The following HS3ST5 variants were observed in gnomAD, a reference collection of about 807,000 sequenced individuals.
The protein encoded by HS3ST5 is heparan sulfate glucosamine 3-O-sulfotransferase 5.
HS3ST5 carries 10 observed loss-of-function variants against 25.4 expected under a neutral mutation model. The observed-to-expected ratio is 0.39, with a 90% CI of 0.24 to 0.67. The LOEUF (loss-of-function observed/expected upper bound fraction) is 0.67, where lower values mean the gene tolerates loss of function less well. Among genes scored for constraint, HS3ST5 ranks in the 30% least tolerant of loss-of-function variants. The pLI is 0.44. For missense variants in HS3ST5, 324 were observed against 420.7 expected, an observed-to-expected ratio of 0.77 and a Z score of 2.01; for synonymous variants, 170 against 162.4, an observed-to-expected ratio of 1.05 and a Z score of -0.36.
Position 114,058,209 on chromosome 6 carries a change from C to A in HS3ST5, c.108-19G>T. ...TTGTAGCCTGCAAGCAAGACAGAGA[C>A]ACTTTAAGCTCATTGCAACTAACTT... On this transcript the variant is annotated intron_variant, in intron 4 of 4. Coordinates refer to ENST00000312719, the MANE Select transcript of HS3ST5 (RefSeq NM_153612.4). 1 of 1,564,962 alleles carries A rather than the reference C, an allele frequency of 6.4e-7. No individual in the cohort carries two copies.
intron 2 of HS3ST5, among the ~76,000 whole-genome samples, chr6:114,168,927 G>A (rs2139414): frequency 0.54 from 82,438 of 151,874 alleles, 22,803 homozygotes; most frequent in African/African-American, 0.63. Context: ...CTATTTGGAT[G>A]TATTATGCAG....
At chr6:114,157,280 C>T (rs1468966715) in intron 3 of HS3ST5, among the ~76,000 whole-genome samples, 2 of 152,202 alleles carry the variant, frequency 1.3e-5, no homozygotes, top group Non-Finnish European at 2.9e-5. Context: ...GCCCCAGCCT[C>T]TTAACTGGTC....
At chr6:114,074,059 C>T (rs1218343742) in intron 3 of HS3ST5, among the ~76,000 whole-genome samples, 1 of 152,034 alleles carries the variant, frequency 6.6e-6, no homozygotes, top group Non-Finnish European at 1.5e-5. Flanking sequence ...AGAACCAACA[C>T]CGCATGTTCT....
chr6:114,296,358 G>C (rs77879100), intron 1 of HS3ST5, among the ~76,000 whole-genome samples: 2,814 of 152,098 alleles, frequency 0.019, 99 homozygotes, highest in African/African-American at 0.064. Flanking sequence ...AAAAAATCCT[G>C]GGGTATAACT....
chr6:114,277,351 T>C (rs1773905225), intron 1 of HS3ST5, among the ~76,000 whole-genome samples: 2 of 150,764 alleles, frequency 1.3e-5, no homozygotes, highest in African/African-American at 4.9e-5. Flanking sequence ...AAGGAAAAAA[T>C]AAATTATATT....
intron 1 of HS3ST5, among the ~76,000 whole-genome samples, chr6:114,256,224 T>C (rs1292708292): frequency 1.3e-5 from 2 of 151,916 alleles, no homozygotes; most frequent in East Asian, 3.9e-4. Context: ...TCGTCTCTAC[T>C]AAAAACACAA....
chr6:114,162,403 C>A (rs62415769), intron 3 of HS3ST5, among the ~76,000 whole-genome samples: 1 of 152,092 alleles, frequency 6.6e-6, no homozygotes, highest in Non-Finnish European at 1.5e-5. Flanking sequence ...AATTTCTTTC[C>A]TTCTGTTCCT....
chr6:114,179,922 G>A (rs1484631228), intron 2 of HS3ST5, among the ~76,000 whole-genome samples: 2 of 152,086 alleles, frequency 1.3e-5, no homozygotes, highest in African/African-American at 4.8e-5. Flanking sequence ...TGAAGAACGT[G>A]GAGTCTGATG....
chr6:114,153,295 G>A lies in HS3ST5; in HGVS notation c.-33+15056C>T, dbSNP rs191825520. Reference sequence around the variant, plus strand: ...CTAAACCCAGGTCAGCCCTGCTCCAGGATAGCTAATTGAATAATGTCCAGT... The same window carrying A: ...CTAAACCCAGGTCAGCCCTGCTCCAAGATAGCTAATTGAATAATGTCCAGT... On this transcript the variant is annotated intron_variant, in intron 3 of 4. Coordinates refer to ENST00000312719, the MANE Select transcript of HS3ST5 (RefSeq NM_153612.4). Among the ~76,000 whole-genome samples the A allele has an allele frequency of 2.0e-3, 306 of 152,232 alleles. 2 individuals are homozygous for A. Among genetic ancestry groups the A allele is most frequent in the African/African-American group, 7.1e-3 (294 of 41,546 alleles).
chr6:114,332,542 T>C (rs1204842619), intron 1 of HS3ST5, among the ~76,000 whole-genome samples: 2 of 152,162 alleles, frequency 1.3e-5, no homozygotes, highest in African/African-American at 4.8e-5. Flanking sequence ...AGAGTTAAGA[T>C]GATTATTTCT....
At chr6:114,180,017 G>T (rs1779899105) in intron 2 of HS3ST5, among the ~76,000 whole-genome samples, 1 of 152,134 alleles carries the variant, frequency 6.6e-6, no homozygotes, top group South Asian at 2.1e-4. Context: ...TCTTCTGCCT[G>T]CTTTTTCTAG....
chr6:114,079,426 GCT>G (rs1249103716), intron 3 of HS3ST5, among the ~76,000 whole-genome samples: 11 of 152,256 alleles, frequency 7.2e-5, no homozygotes, highest in Admixed American at 3.9e-4. Flanking sequence ...CATTTTCTTT[GCT>G]CAGCCATAAG....
chr6:114,093,349 TTGTTTGTGTGTGTG>T (rs1434310219), intron 3 of HS3ST5, among the ~76,000 whole-genome samples: 7 of 98,120 alleles, frequency 7.1e-5, no homozygotes, highest in African/African-American at 2.7e-4. Context: ...TTTTGTTTGT[TTGTTTGTGTGTGTG>T]TGTGTGTGTG....
intron 2 of HS3ST5, among the ~76,000 whole-genome samples, chr6:114,206,790 A>G (rs1171474356): frequency 6.6e-6 from 1 of 152,230 alleles, no homozygotes; most frequent in African/African-American, 2.4e-5. Context: ...AGGAACAGAG[A>G]AAAACATTTT....
chr6:114,243,133 C>T (rs971015811), intron 1 of HS3ST5, among the ~76,000 whole-genome samples: 4 of 152,220 alleles, frequency 2.6e-5, no homozygotes, highest in African/African-American at 9.6e-5. Flanking sequence ...ACCTCATCCA[C>T]AGAAGCAAAC....
At chr6:114,126,797 T>C (rs2114893966) in intron 3 of HS3ST5, among the ~76,000 whole-genome samples, 1 of 152,106 alleles carries the variant, frequency 6.6e-6, no homozygotes, top group Non-Finnish European at 1.5e-5. Flanking sequence ...CCTGCTGGGC[T>C]GGTGGGTGAG....
At chr6:114,067,701 C>T (rs958941562) in intron 3 of HS3ST5, among the ~76,000 whole-genome samples, 11 of 152,204 alleles carry the variant, frequency 7.2e-5, no homozygotes, top group Admixed American at 2.0e-4. Flanking sequence ...CTTACACTGC[C>T]CCGTCTGGTT....
intron 1 of HS3ST5, among the ~76,000 whole-genome samples, chr6:114,234,562 C>T (rs1771765305): frequency 6.6e-6 from 1 of 151,974 alleles, no homozygotes; most frequent in Non-Finnish European, 1.5e-5. Context: ...ACATAAACTC[C>T]AACGGGTAGG....
chr6:114,259,467 T>A (rs1373490266), intron 1 of HS3ST5, among the ~76,000 whole-genome samples: 1 of 152,240 alleles, frequency 6.6e-6, no homozygotes, highest in Admixed American at 6.5e-5. Flanking sequence ...GTTTGGTGTC[T>A]CCACAGATCA....
Sources: allele counts gnomAD v4.1 joint callset (sites outside exome capture counted in the v4.1 genomes callset), GRCh38; gene constraint gnomAD v4.1.1; transcripts MANE v1.5; gene names NCBI Gene and HGNC (gene_info 2026-07-23, HGNC 2026-07-21).